The following LONP2 variants were observed in gnomAD, a reference collection of about 807,000 sequenced individuals.
LONP2 encodes the protein lon peptidase 2, peroxisomal.
In LONP2, 60 loss-of-function variants were observed where a neutral mutation model predicts 85.6. That is an observed-to-expected ratio of 0.70 (90% CI 0.57 to 0.87). The LOEUF is 0.87. Among genes scored for constraint, LONP2 ranks in the 40% least tolerant of loss-of-function variants. LONP2 has a pLI of 0.00. For synonymous variants in LONP2, 395 were observed against 389.7 expected, an observed-to-expected ratio of 1.01 and a Z score of -0.16; for missense variants, 860 against 1,063.5, an observed-to-expected ratio of 0.81 and a Z score of 2.66.
intron 1 of LONP2, among the ~76,000 whole-genome samples, chr16:48,244,951 C>T (rs1026732071): frequency 1.3e-4 from 20 of 152,316 alleles, no homozygotes; most frequent in African/African-American, 4.8e-4. Flanking sequence ...TTTTAACTTT[C>T]CAGGCCCTTT....
chr16:48,271,309 A>G (rs1972100762), intron 7 of LONP2, among the ~76,000 whole-genome samples: 1 of 152,238 alleles, frequency 6.6e-6, no homozygotes, highest in Non-Finnish European at 1.5e-5. Flanking sequence ...TTGGGAAAGC[A>G]TGAATTTACA....
At chr16:48,284,875 C>T (rs1972406188) in intron 8 of LONP2, among the ~76,000 whole-genome samples, 1 of 152,108 alleles carries the variant, frequency 6.6e-6, no homozygotes, top group Non-Finnish European at 1.5e-5. Context: ...TGCTTTATGC[C>T]ATTATCTTTT....
chr16:48,360,946 G>A (rs1167699260), downstream of LONP2: 1 of 151,996 alleles, frequency 6.6e-6, no homozygotes, highest in African/African-American at 2.4e-5. Flanking sequence ...ACTGATTAAT[G>A]GGGGAAAAGA....
At position 48,270,258 on chromosome 16, in the gene LONP2, G is replaced by A; in HGVS notation, c.1225G>A (p.Asp409Asn). ...ACTTGGAGGAGTATGTGATCAGTCT[G>A]ACATTCGAGGACACAGGTAGAACAC... ...IALGGVCDQSDIRGHRRTYVG... is the reference protein window; with the variant it reads ...IALGGVCDQSNIRGHRRTYVG... Residue 409 changes from aspartate to asparagine, a missense_variant, in exon 7 of 15, where the codon GAC becomes AAC. Transcript: ENST00000285737. 6.2e-7 allele frequency: 1 copy of A among 1,613,876 alleles called. No individual in the cohort carries two copies. The highest frequency in any genetic ancestry group is 8.5e-7 in the Non-Finnish European group (1 of 1,179,850).
intron 11 of LONP2, among the ~76,000 whole-genome samples, chr16:48,317,427 C>T (rs1272792783): frequency 2.0e-5 from 3 of 152,104 alleles, no homozygotes; most frequent in Non-Finnish European, 4.4e-5. Flanking sequence ...TATGGTGATA[C>T]TCAATTCTAC....
At chr16:48,264,633 A>T (rs2046550393) in intron 6 of LONP2, among the ~76,000 whole-genome samples, 1 of 152,084 alleles carries the variant, frequency 6.6e-6, no homozygotes, top group African/African-American at 2.4e-5. Context: ...TGACAGGATT[A>T]AGAGATTAAA....
At chr16:48,288,647 C>T (rs571890978) in intron 8 of LONP2, among the ~76,000 whole-genome samples, 6 of 152,174 alleles carry the variant, frequency 3.9e-5, no homozygotes, top group South Asian at 4.2e-4. Flanking sequence ...GCTGTGTCCT[C>T]GGGAGACCTG....
chr16:48,348,061 T>C (rs778624389), intron 13 of LONP2, 39 bp from the exon 14 acceptor site: 2 of 1,543,756 alleles, frequency 1.3e-6, no homozygotes, highest in Non-Finnish European at 1.7e-6. Context: ...AAAACAGGTT[T>C]AATTTTTCTA....
intron 11 of LONP2, among the ~76,000 whole-genome samples, chr16:48,318,487 C>G (rs1973193634): frequency 1.3e-5 from 2 of 152,182 alleles, no homozygotes; most frequent in East Asian, 1.9e-4. Flanking sequence ...CCACAGCACT[C>G]TAGCCTGGGC....
At chr16:48,250,423 A>C (rs965670924) in intron 1 of LONP2, among the ~76,000 whole-genome samples, 2 of 150,250 alleles carry the variant, frequency 1.3e-5, no homozygotes, top group East Asian at 2.1e-4. Flanking sequence ...CGGAGGTTGC[A>C]GTGAGCCAAG....
chr16:48,258,536 A>G (rs1009327146), intron 3 of LONP2, 82 bp from the exon 4 acceptor site: 2 of 1,425,434 alleles, frequency 1.4e-6, no homozygotes, highest in Admixed American at 2.5e-5. Context: ...TAACTTGGCA[A>G]TTTAAACCAT....
chr16:48,249,405 G>A (rs1190040714), intron 1 of LONP2, among the ~76,000 whole-genome samples: 1 of 152,132 alleles, frequency 6.6e-6, no homozygotes, highest in Non-Finnish European at 1.5e-5. Flanking sequence ...ACAACCTTTT[G>A]TATATCATAG....
chr16:48,282,191 C>T (rs1338610605), intron 8 of LONP2, among the ~76,000 whole-genome samples: 1 of 151,888 alleles, frequency 6.6e-6, no homozygotes, highest in Non-Finnish European at 1.5e-5. Context: ...GGTGGATTGC[C>T]TGAGCTCAGG....
chr16:48,358,775 C>A (rs1413269711), downstream of LONP2, among the ~76,000 whole-genome samples: 2 of 152,090 alleles, frequency 1.3e-5, no homozygotes, highest in Non-Finnish European at 2.9e-5. Context: ...GAACCGATTG[C>A]ACCATTATAC....
At chr16:48,328,937 GCTCT>G (rs1432197953) in intron 11 of LONP2, among the ~76,000 whole-genome samples, 1 of 152,092 alleles carries the variant, frequency 6.6e-6, no homozygotes, top group Non-Finnish European at 1.5e-5. Flanking sequence ...TCTCCCAGCA[GCTCT>G]CTGAGAGTAC....
At chr16:48,322,060 AC>A in intron 11 of LONP2, among the ~76,000 whole-genome samples, 2 of 151,724 alleles carry the variant, frequency 1.3e-5, no homozygotes, top group East Asian at 3.9e-4. Context: ...AGCTGGGATT[AC>A]AGGTGTGTGC....
chr16:48,282,902 C>T, intron 8 of LONP2, among the ~76,000 whole-genome samples: 1 of 152,148 alleles, frequency 6.6e-6, no homozygotes, highest in Non-Finnish European at 1.5e-5. Context: ...TGCCAGATAG[C>T]CAAGTTGTGA....
At chr16:48,308,613 A>T (rs1040155180) in intron 11 of LONP2, among the ~76,000 whole-genome samples, 2 of 148,806 alleles carry the variant, frequency 1.3e-5, no homozygotes, top group African/African-American at 2.5e-5. Flanking sequence ...GGGGTATCGC[A>T]GCGAGACTCT....
intron 11 of LONP2, among the ~76,000 whole-genome samples, chr16:48,311,741 T>C (rs1490108733): frequency 1.3e-5 from 2 of 152,144 alleles, no homozygotes; most frequent in Non-Finnish European, 2.9e-5. Context: ...TGCCTCACTG[T>C]CCTAAGTAGC....
Sources: gnomAD v4.1 joint callset for allele counts (sites outside exome capture counted in the v4.1 genomes callset) on GRCh38, gnomAD v4.1.1 for gene constraint, MANE v1.5 for transcripts, NCBI Gene and HGNC (gene_info 2026-07-23, HGNC 2026-07-21) for gene names.